FGD3: variants seen among roughly 807,000 people sequenced by gnomAD.
FGD3 encodes the protein FYVE, RhoGEF and PH domain containing 3, also known as FYVE, RhoGEF and PH domain-containing protein 3.
In FGD3, 45 loss-of-function variants were observed where a neutral mutation model predicts 71.8. That is an observed-to-expected ratio of 0.63 (90% confidence interval 0.49 to 0.80). FGD3 has a LOEUF of 0.80. FGD3 is among the 30% of genes least tolerant of loss of function. The pLI is 0.00. For synonymous variants in FGD3, 378 were observed against 392.8 expected (o/e 0.96, Z 0.44); for missense variants, 844 against 951.5 (o/e 0.89, Z 1.49).
At chr9:92,986,817 C>A (rs964531740) in intron 3 of FGD3, among the ~76,000 whole-genome samples, 1 of 152,322 alleles carries the variant, frequency 6.6e-6, no homozygotes, top group Middle Eastern at 3.4e-3. Context: ...CAATTAGTGT[C>A]TGTCCTGGCC....
intron 9 of FGD3, among the ~76,000 whole-genome samples, chr9:93,015,320 G>A (rs1408466663): frequency 6.6e-6 from 1 of 152,066 alleles, no homozygotes; most frequent in African/African-American, 2.4e-5. Flanking sequence ...GCTGGGCGTG[G>A]TAGCACCCGC....
At chr9:92,980,939 C>G (rs1859968199) in intron 3 of FGD3, among the ~76,000 whole-genome samples, 1 of 147,482 alleles carries the variant, frequency 6.8e-6, no homozygotes, top group African/African-American at 2.5e-5. Flanking sequence ...CCACTGTGCT[C>G]TAGGCTGGGC....
intron 3 of FGD3, among the ~76,000 whole-genome samples, chr9:92,988,434 T>A (rs887003830): frequency 1.4e-4 from 22 of 152,206 alleles, no homozygotes; most frequent in African/African-American, 5.3e-4. Context: ...CAGGGACCCT[T>A]TCTTATCTGC....
At chr9:93,011,435 C>T (rs949442647) in intron 8 of FGD3, among the ~76,000 whole-genome samples, 163 bp downstream of exon 8, 1 of 152,220 alleles carries the variant, frequency 6.6e-6, no homozygotes, top group Non-Finnish European at 1.5e-5. Flanking sequence ...AGCTGGACAG[C>T]CCCGCCCCTT....
intron 3 of FGD3, among the ~76,000 whole-genome samples, chr9:92,984,436 C>T (rs972753492): frequency 6.6e-6 from 1 of 152,156 alleles, no homozygotes; most frequent in Non-Finnish European, 1.5e-5. Flanking sequence ...CTACATGTTG[C>T]TGTATGGGTC....
intron 13 of FGD3, among the ~76,000 whole-genome samples, chr9:93,021,398 TCTC>T (rs1354071772): frequency 1.3e-5 from 2 of 152,020 alleles, no homozygotes; most frequent in Admixed American, 6.5e-5. Flanking sequence ...CCCGGCCATT[TCTC>T]CTCCCGGGGC....
chr9:92,999,044 T>C (rs529458167), intron 3 of FGD3, among the ~76,000 whole-genome samples: 1 of 152,328 alleles, frequency 6.6e-6, no homozygotes, highest in South Asian at 2.1e-4. Context: ...CTGCTGCCTT[T>C]TGTTCAGCTA....
At chr9:92,952,405 T>G (rs1484448151) in intron 1 of FGD3, among the ~76,000 whole-genome samples, 1 of 151,674 alleles carries the variant, frequency 6.6e-6, no homozygotes, top group Admixed American at 6.6e-5. Context: ...CCCGGCTAAT[T>G]TTTTGTATTT....
intron 3 of FGD3, among the ~76,000 whole-genome samples, chr9:92,977,747 G>A (rs1055940969): frequency 8.5e-5 from 13 of 152,302 alleles, no homozygotes; most frequent in African/African-American, 3.1e-4. Flanking sequence ...GAGGGTTCGA[G>A]GGGGAACTGT....
chr9:92,950,967 C>T (rs1414880183), intron 1 of FGD3, among the ~76,000 whole-genome samples: 1 of 152,074 alleles, frequency 6.6e-6, no homozygotes, highest in Non-Finnish European at 1.5e-5. Context: ...TGCCCCTGGC[C>T]TGCTTGGGCC....
chr9:92,991,948 T>C (rs1860427990), intron 3 of FGD3, among the ~76,000 whole-genome samples: 1 of 152,232 alleles, frequency 6.6e-6, no homozygotes, highest in Non-Finnish European at 1.5e-5. Flanking sequence ...GTCTTCTTCG[T>C]CTGATATAAG....
intron 1 of FGD3, among the ~76,000 whole-genome samples, chr9:92,965,254 C>T (rs985802788): frequency 2.0e-5 from 3 of 152,296 alleles, no homozygotes; most frequent in Admixed American, 6.5e-5. Context: ...CGGGGCTGGA[C>T]GTGCTTAGCA....
At chr9:92,998,083 C>T (rs1278221016) in intron 3 of FGD3, among the ~76,000 whole-genome samples, 1 of 152,234 alleles carries the variant, frequency 6.6e-6, no homozygotes, top group Non-Finnish European at 1.5e-5. Flanking sequence ...TGGTTCCATT[C>T]TCCCCGTCAC....
At position 93,013,947 on chromosome 9, in the gene FGD3, C is replaced by T. The variant is rs1861548766; in HGVS notation, c.1131C>T (p.Ile377=). Residue 377 remains isoleucine (I), a synonymous_variant, in exon 9 of 18, where the codon ATC becomes ATT. Transcript: ENST00000375482. ...PANELIKEGQ[I]QKLSAKNGTP... ...ATGAACTGATCAAGGAGGGCCAAAT[C>T]CAGAAACTGTCAGCCAAGAACGGCA... 10 of 1,611,536 alleles carry T rather than the reference C, an allele frequency of 6.2e-6. No homozygotes were observed. The highest frequency in any genetic ancestry group is 8.5e-6 in the Non-Finnish European group (10 of 1,179,074).
At chr9:92,950,900 G>A (rs540332810) in intron 1 of FGD3, among the ~76,000 whole-genome samples, 93 of 152,298 alleles carry the variant, frequency 6.1e-4, no homozygotes, top group African/African-American at 2.1e-3. Flanking sequence ...CAGGGTCCTT[G>A]TTGTGCCACG....
chr9:92,991,005 T>C (rs1449278164), intron 3 of FGD3, among the ~76,000 whole-genome samples: 1 of 152,210 alleles, frequency 6.6e-6, no homozygotes, highest in Non-Finnish European at 1.5e-5. Context: ...AATTGTTCTT[T>C]ATAGGTTCAG....
At chr9:93,025,646 G>A (rs1240693880) in intron 14 of FGD3, among the ~76,000 whole-genome samples, 1 of 152,226 alleles carries the variant, frequency 6.6e-6, no homozygotes, top group East Asian at 1.9e-4. Context: ...TTTCCTAGGA[G>A]AAGCTACACC....
intron 14 of FGD3, among the ~76,000 whole-genome samples, chr9:93,028,514 G>A (rs1304916440): frequency 6.6e-6 from 1 of 152,138 alleles, no homozygotes; most frequent in Non-Finnish European, 1.5e-5. Context: ...ATAACAAAGT[G>A]TCTCAAGGGA....
chr9:92,959,430 C>G (rs114364171), intron 1 of FGD3, among the ~76,000 whole-genome samples: 2 of 151,830 alleles, frequency 1.3e-5, no homozygotes, highest in East Asian at 3.9e-4. Context: ...GGGCAAGGCT[C>G]GGTGGGTGGC....
Sources: gnomAD v4.1 joint callset for allele counts (sites outside exome capture counted in the v4.1 genomes callset) on GRCh38, gnomAD v4.1.1 for gene constraint, MANE v1.5 for transcripts, NCBI Gene and HGNC (gene_info 2026-07-23, HGNC 2026-07-21) for gene names.